Variants in TPP1 observed in about 807,000 individuals in gnomAD.
TPP1 encodes tripeptidyl peptidase 1, also known as tripeptidyl-peptidase 1.
TPP1 carries 43 observed loss-of-function variants against 67.6 expected under a neutral mutation model. The ratio of observed to expected loss-of-function variants is 0.64; its 90% confidence interval spans 0.50 to 0.82. The LOEUF (loss-of-function observed/expected upper bound fraction) is 0.82, where lower values mean the gene tolerates loss of function less well. Among genes scored for constraint, TPP1 ranks in the 40% least tolerant of loss-of-function variants. The probability of loss-of-function intolerance (pLI) is 0.00; values close to 1 mark genes in which losing one functional copy is unlikely to be tolerated. For missense variants in TPP1, 671 were observed against 710.9 expected, an observed-to-expected ratio of 0.94 and a Z score of 0.64; for synonymous variants, 272 against 281.5, an observed-to-expected ratio of 0.97 and a Z score of 0.34.
Position 6,616,746 on chromosome 11 carries a change from G to T in TPP1, c.801C>A (p.Gly267=). ...VARVVGQQGR[G]RAGIEASLDV... is the part of the protein sequence containing the mutation. The stretch of plus-strand genomic sequence containing the variant: ...CTAGACTGGCCTCAATCCCGGCCCG[G>T]CCCCGGCCCTGTTGTCCAACCACAC... Residue 267 remains glycine, a synonymous_variant, in exon 7 of 13, where the codon GGC becomes GGA. Coordinates refer to ENST00000299427, the MANE Select transcript of TPP1 (RefSeq NM_000391.4). 1 of 1,614,012 alleles carries T rather than the reference G, an allele frequency of 6.2e-7. No homozygotes were observed. Among genetic ancestry groups the T allele is most frequent in the South Asian group, 1.1e-5 (1 of 91,084 alleles).
rs749381175 is a variant in TPP1, at chr11:6,614,531, C to T, written c.*15G>A. On this transcript the variant is annotated 3_prime_UTR_variant, in exon 13 of 13. Coordinates refer to ENST00000299427, the MANE Select transcript of TPP1 (RefSeq NM_000391.4). ...TCAGGGCAGGGGACAAGCCATCTCT[C>T]CTGATAGGAAAGGGTCAGGGGTTGA... 10 of 1,614,054 alleles carry T rather than the reference C, an allele frequency of 6.2e-6. No individual in the cohort carries two copies. The African/African-American group carries it at 1.3e-4, about 22-fold the overall frequency.
intron 3 of TPP1, 83 bp from the exon 4 acceptor site, chr11:6,617,859 G>C (rs1160777395): frequency 1.4e-5 from 22 of 1,595,316 alleles, no homozygotes; most frequent in Non-Finnish European, 1.9e-5. Context: ...TGAGACATCA[G>C]GACTTCCCAA....
In TPP1 at chr11:6,616,460, C is replaced by G. The variant is rs760531038; in HGVS notation, c.930G>C (p.Leu310=). The part of the protein sequence containing the change: ...GQEPFLQWLM[L]LSNESALPHV... ...GTGGCAGGGCTGACTCATTACTGAGCAGCATGAGCCACTGCAGGAAGGGCT... is the reference window on the plus strand; with the variant it reads ...GTGGCAGGGCTGACTCATTACTGAGGAGCATGAGCCACTGCAGGAAGGGCT... Residue 310 remains leucine (L), a synonymous_variant, in exon 8 of 13, where the codon CTG becomes CTC. Coordinates refer to ENST00000299427, the MANE Select transcript of TPP1 (RefSeq NM_000391.4). 10 of 1,611,140 alleles carry G rather than the reference C, an allele frequency of 6.2e-6. No individual in the cohort carries two copies. In the East Asian group the frequency reaches 1.3e-4, roughly 22 times the overall value.
In TPP1 at chr11:6,615,566, A is replaced by G. The variant is rs1022743511; in HGVS notation, c.1146-4T>C. ...TCCCACTGTGGTGACATAGGGGCTGAGGGGAGAAGACAGCATTTGGATAGT... is the reference window on the plus strand; with the variant it reads ...TCCCACTGTGGTGACATAGGGGCTGGGGGGAGAAGACAGCATTTGGATAGT... On this transcript the variant is annotated splice_polypyrimidine_tract_variant and splice_region_variant and intron_variant, in intron 9 of 12. Transcript: ENST00000299427. 2 of 1,614,004 alleles carry G rather than the reference A, an allele frequency of 1.2e-6. No individual in the cohort carries two copies. Among genetic ancestry groups the G allele is most frequent in the Non-Finnish European group, 1.7e-6 (2 of 1,180,032 alleles).
intron 7 of TPP1, 30 bp from the exon 8 acceptor site, chr11:6,616,533 G>A (rs756652086): frequency 2.5e-6 from 4 of 1,569,290 alleles, no homozygotes; most frequent in African/African-American, 1.4e-5. Context: ...TTTTTTGAGG[G>A]ATGGGCACAA....
At position 6,616,394 on chromosome 11, in the gene TPP1, G is replaced by A. The variant is rs1589948204; in HGVS notation, c.996C>T (p.Leu332=). Reference sequence around the variant, plus strand: ...TGACCCGCTGGATGTAGGCGCTGCTGAGGGAGTCCTCATCATCTCCATAGC... The same window carrying A: ...TGACCCGCTGGATGTAGGCGCTGCTAAGGGAGTCCTCATCATCTCCATAGC... ...TVSYGDDEDS[L]SSAYIQRVNT... The change falls in exon 8 of 13, where the codon CTC becomes CTT. Residue 332 remains leucine (L), a synonymous_variant. Transcript: ENST00000299427. 6.2e-7 allele frequency: 1 copy of A among 1,614,002 alleles called. No individual in the cohort carries two copies. The highest frequency in any genetic ancestry group is 1.1e-5 in the South Asian group (1 of 91,082).
chr11:6,614,605 C>T lies in TPP1; in HGVS notation c.1633G>A (p.Val545Ile). The change falls in exon 13 of 13, where the codon GTA becomes ATA. Residue 545 changes from valine (V) to isoleucine (I), a missense_variant. Physicochemically the swap from Val to Ile is conservative, Grantham distance 29 (BLOSUM62 3). Coordinates refer to ENST00000299427, the MANE Select transcript of TPP1 (RefSeq NM_000391.4). ...GFCSGPGWDP[V>I]TGWGTPNFPA... The stretch of plus-strand genomic sequence containing the variant: ...AAGTTGGGTGTTCCCCAGCCTGTTA[C>T]AGGATCCCAGCCAGGACCAGAGCAG... 6.2e-7 allele frequency: 1 copy of T among 1,614,116 alleles called. No homozygotes were observed. Among genetic ancestry groups the T allele is most frequent in the Non-Finnish European group, 8.5e-7 (1 of 1,180,012 alleles).
chr11:6,614,233 G>A lies in TPP1; in HGVS notation c.*313C>T, dbSNP rs1294134992. 1 of 435,102 alleles carries A rather than the reference G, an allele frequency of 2.3e-6. No homozygotes were observed. The allele number at this position is 435,102 out of a possible 1,614,324, so 27.0% of individuals were successfully genotyped here. On this transcript the variant is annotated 3_prime_UTR_variant, in exon 13 of 13. Transcript: ENST00000299427. ...TGAATATCAAGTGAAATAGTGCACA[G>A]AGTCTGTATACAACCCTTTGGAAAA...
Position 6,614,494 on chromosome 11 carries a change from G to C in TPP1, c.*52C>G. On this transcript the variant is annotated 3_prime_UTR_variant, in exon 13 of 13. Coordinates refer to ENST00000299427, the MANE Select transcript of TPP1 (RefSeq NM_000391.4). Reference sequence around the variant, plus strand: ...TTCCAACAGGGCAGAATAAGGGACTGAACTGCCAGCTTCAGGGCAGGGGAC... The same window carrying C: ...TTCCAACAGGGCAGAATAAGGGACTCAACTGCCAGCTTCAGGGCAGGGGAC... 1 of 1,613,112 alleles carries C rather than the reference G, an allele frequency of 6.2e-7. No individual in the cohort carries two copies. The highest frequency in any genetic ancestry group is 8.5e-7 in the Non-Finnish European group (1 of 1,179,348).
At chr11:6,618,696 C>T (rs1175710643) in intron 3 of TPP1, 80 bp downstream of exon 3, 6 of 1,590,884 alleles carry the variant, frequency 3.8e-6, no homozygotes, top group Non-Finnish European at 5.1e-6. Flanking sequence ...CAGGCTCTGA[C>T]ATGATCGCCA....
Position 6,614,353 on chromosome 11 carries a change from G to A in TPP1, c.*193C>T. 1.4e-6 allele frequency: 1 copy of A among 693,626 alleles called. No individual in the cohort carries two copies. Among genetic ancestry groups the A allele is most frequent in the Non-Finnish European group, 2.4e-6 (1 of 414,124 alleles). The allele number at this position is 693,626 out of a possible 1,614,324, so 43.0% of individuals were successfully genotyped here. A position where few individuals can be genotyped will look rare whatever the true frequency, so the allele number is the denominator to read the frequency against. ...ATTGAGGAATCTAAGGCAGGAGTAG[G>A]GAGACCTGAGTATGATGGAGCATGG... On this transcript the variant is annotated 3_prime_UTR_variant, in exon 13 of 13. Transcript: ENST00000299427.
chr11:6,616,638 C>T, intron 7 of TPP1, 23 bp downstream of exon 7: 1 of 1,613,840 alleles, frequency 6.2e-7, no homozygotes, highest in Middle Eastern at 1.7e-4. Flanking sequence ...CCCTTCCCCA[C>T]TGTCCAGTCC....
chr11:6,614,680 G>T lies in TPP1; in HGVS notation c.1558C>A (p.Arg520Ser), dbSNP rs371204585. ...QHGAGLFDVTRGCHESCLDEE... is the reference protein window; with the variant it reads ...QHGAGLFDVTSGCHESCLDEE... ...TCCAGACAGGACTCATGGCAGCCAC[G>T]GGTTACCTAGGGAGGAGGCTGGCAT... The change falls in exon 13 of 13, where the codon CGT becomes AGT. Residue 520 changes from arginine (R) to serine (S), a missense_variant. Coordinates refer to ENST00000299427, the MANE Select transcript of TPP1 (RefSeq NM_000391.4). 3.7e-6 allele frequency: 6 copies of T among 1,613,968 alleles called. No individual in the cohort carries two copies. The African/African-American group carries it at 8.0e-5, about 22-fold the overall frequency.
At chr11:6,618,036 C>T in intron 3 of TPP1, 2 of 554,114 alleles carry the variant, frequency 3.6e-6, no homozygotes, top group Non-Finnish European at 6.5e-6. Flanking sequence ...TTGCCATGAT[C>T]ATGAAAATGA....
intron 3 of TPP1, 159 bp from the exon 4 acceptor site, chr11:6,617,935 GA>G: frequency 1.0e-6 from 1 of 965,696 alleles, no homozygotes. Context: ...AGCAGAGGAA[GA>G]AAAGGCTGGA....
chr11:6,615,498 C>T lies in TPP1; in HGVS notation c.1210G>A (p.Val404Ile). The change falls in exon 10 of 13, where the codon GTT (valine) becomes ATT (isoleucine). Residue 404 changes from valine to isoleucine, a missense_variant. By Grantham distance (29) the Val-to-Ile change is conservative. Transcript: ENST00000299427. Reference sequence around the variant, plus strand: ...AAGCCACCACCACTGATATAGTCAACAATTTCATTTGTGATGAGGAAAGGT... The same window carrying T: ...AAGCCACCACCACTGATATAGTCAATAATTTCATTTGTGATGAGGAAAGGT... Reference protein sequence around the residue: ...QEPFLITNEIVDYISGGGFSN... With the variant: ...QEPFLITNEIIDYISGGGFSN... 6.2e-7 allele frequency: 1 copy of T among 1,614,218 alleles called. No homozygotes were observed. Among genetic ancestry groups the T allele is most frequent in the Non-Finnish European group, 8.5e-7 (1 of 1,180,044 alleles).
At chr11:6,615,720 A>T in intron 9 of TPP1, 158 bp from the exon 10 acceptor site, 1 of 994,238 alleles carries the variant, frequency 1.0e-6, no homozygotes, top group East Asian at 2.5e-5. Flanking sequence ...CCTTCAAGGC[A>T]TGGCCCGAGG....
chr11:6,614,929 GC>G lies in TPP1; in HGVS notation c.1487del (p.Gly496AlafsTer23). ...SLINEHRILS[G>X]RPPLGFLNPR... ...GGTTGAGAAAGCCAAGAGGGGGGCG[GC>G]CACTAAGGATCCTGTGCTCATTGAT... On this transcript the variant is annotated frameshift_variant, in exon 12 of 13. Transcript: ENST00000299427. LOFTEE classifies it high-confidence loss of function. 1 of 1,614,144 alleles carries G rather than the reference GC, an allele frequency of 6.2e-7. No homozygotes were observed. The highest frequency in any genetic ancestry group is 8.5e-7 in the Non-Finnish European group (1 of 1,180,036).
rs189816289 is a variant in TPP1, at chr11:6,618,595, T to G, written c.229+181A>C. Reference sequence around the variant, plus strand: ...GCCTGGTAGCTAGTAAGTAGCAGAGTCAGAATTTGAGTTCGTATTTGATCA... The same window carrying G: ...GCCTGGTAGCTAGTAAGTAGCAGAGGCAGAATTTGAGTTCGTATTTGATCA... On this transcript the variant is annotated intron_variant, in intron 3 of 12. Transcript: ENST00000299427. The G allele has an allele frequency of 4.8e-3, 3,819 of 795,950 alleles. 14 individuals carry two copies. The highest frequency in any genetic ancestry group is 6.5e-3 in the Non-Finnish European group (3,224 of 496,606). The allele number at this position is 795,950 out of a possible 1,614,324, so 49.3% of individuals were successfully genotyped here. A position where few individuals can be genotyped will look rare whatever the true frequency, so the allele number is the denominator to read the frequency against.
Sources: allele counts gnomAD v4.1 joint callset, GRCh38; gene constraint gnomAD v4.1.1; transcripts MANE v1.5; gene names NCBI Gene and HGNC (gene_info 2026-07-23, HGNC 2026-07-21).